Variants in ZNF407 observed in about 807,000 individuals in gnomAD.
ZNF407 encodes zinc finger protein 407.
In ZNF407, 17 loss-of-function variants were observed where a neutral mutation model predicts 131.2. The ratio of observed to expected loss-of-function variants is 0.13; its 90% CI spans 0.09 to 0.19. The LOEUF is 0.19. Ranked by LOEUF, ZNF407 falls within the 10% of genes least tolerant of loss-of-function variation. The pLI, the probability that ZNF407 is intolerant of heterozygous loss-of-function variation, is 1.00. For missense variants in ZNF407, 2,681 were observed against 2,830.6 expected (o/e 0.95, Z 1.20); for synonymous variants, 1,156 against 1,062.0 (o/e 1.09, Z -1.72).
At chr18:74,734,600 A>G (rs1459935483) in intron 3 of ZNF407, among the ~76,000 whole-genome samples, 4 of 151,544 alleles carry the variant, frequency 2.6e-5, no homozygotes, top group Non-Finnish European at 5.9e-5. Context: ...GAAATAACTG[A>G]CTGTCCTCAC....
chr18:74,759,948 GTCTC>G (rs10662564), intron 3 of ZNF407, among the ~76,000 whole-genome samples: 1,654 of 142,578 alleles, frequency 0.012, 27 homozygotes, highest in South Asian at 0.035. Context: ...TACTTTACAT[GTCTC>G]TCTCTCTCTC....
At chr18:74,658,045 T>C (rs1311419302) in intron 3 of ZNF407, among the ~76,000 whole-genome samples, 2 of 151,952 alleles carry the variant, frequency 1.3e-5, no homozygotes, top group South Asian at 2.1e-4. Flanking sequence ...ACTGAAAATA[T>C]TATTGCTATC....
chr18:74,626,357 A>C (rs4606815), intron 1 of ZNF407, among the ~76,000 whole-genome samples: 16 of 152,206 alleles, frequency 1.1e-4, no homozygotes, highest in African/African-American at 3.4e-4. Flanking sequence ...AGTATCAATC[A>C]TTGATATTTA....
At position 74,736,417 on chromosome 18, in the gene ZNF407, C is replaced by T. The variant is rs544254421; in HGVS notation, c.4803-45011C>T. ...TTTTAGTGGTTGTTTAAATAAAATA[C>T]AGGTTAACTCATTGGAGCTTAAATT... On this transcript the variant is annotated intron_variant, in intron 3 of 8. Coordinates refer to ENST00000299687, the MANE Select transcript of ZNF407 (RefSeq NM_017757.3). Among the ~76,000 whole-genome samples the T allele has an allele frequency of 2.0e-5, 3 of 152,252 alleles. No homozygotes were observed. In the South Asian group the frequency reaches 6.2e-4, roughly 32 times the overall value.
intron 3 of ZNF407, among the ~76,000 whole-genome samples, chr18:74,706,787 A>C (rs1332028642): frequency 6.6e-6 from 1 of 152,052 alleles, no homozygotes; most frequent in Non-Finnish European, 1.5e-5. Context: ...GGCAGGTGAG[A>C]GCTCACCTTG....
chr18:74,912,073 A>C (rs1599237364), intron 7 of ZNF407, among the ~76,000 whole-genome samples: 1 of 152,228 alleles, frequency 6.6e-6, no homozygotes, highest in Middle Eastern at 3.4e-3. Context: ...CTTCCTGGGG[A>C]AAATGGGAAT....
Position 75,063,560 on chromosome 18 carries a change from T to C in ZNF407, c.5839T>C (p.Ser1947Pro). 6.4e-7 allele frequency: 1 copy of C among 1,565,936 alleles called. No homozygotes were observed. ...CACCCAGGTGGTCGTCGTGGGGGGC[T>C]CCATGGAAGGCCACGGCATGGATGA... ...GATQVVVVGG[S>P]MEGHGMDESL... Residue 1947 changes from serine (S) to proline (P), a missense_variant, in exon 9 of 9, where the codon TCC becomes CCC. Physicochemically the swap from Ser to Pro is moderately conservative, Grantham distance 74. Coordinates refer to ENST00000299687, the MANE Select transcript of ZNF407 (RefSeq NM_017757.3). The surrounding 1 kb of genome is among the most constrained non-coding windows in gnomAD (Gnocchi z 6.6).
At chr18:74,989,024 T>G (rs1046980572) in intron 8 of ZNF407, among the ~76,000 whole-genome samples, 1 of 152,196 alleles carries the variant, frequency 6.6e-6, no homozygotes, top group Non-Finnish European at 1.5e-5. Context: ...ACCTTATCCA[T>G]GAATGCTCAT....
chr18:74,929,233 G>A (rs946975365), intron 8 of ZNF407, among the ~76,000 whole-genome samples: 4 of 151,984 alleles, frequency 2.6e-5, no homozygotes, highest in African/African-American at 7.3e-5. Context: ...TGTATGATTC[G>A]AGCCGCGCCA....
intron 1 of ZNF407, among the ~76,000 whole-genome samples, chr18:74,610,395 C>G (rs966845694): frequency 1.3e-5 from 2 of 152,142 alleles, no homozygotes; most frequent in African/African-American, 4.8e-5. Flanking sequence ...CTCTCCCTCT[C>G]GGTCTCTCTT....
chr18:74,685,591 CT>C (rs1180954718), intron 3 of ZNF407, among the ~76,000 whole-genome samples: 1 of 152,214 alleles, frequency 6.6e-6, no homozygotes, highest in East Asian at 1.9e-4. Context: ...CCTGATGCCC[CT>C]GACTATTCCG....
chr18:74,632,571 G>T lies in ZNF407; in HGVS notation c.1552G>T (p.Val518Leu). ...PPDSGLHSLT[V>L]KPASGSQTLC... ...GGACTCCGGGCTGCATTCCCTGACA[G>T]TGAAGCCAGCTTCTGGCTCTCAGAC... The change falls in exon 2 of 9, where the codon GTG becomes TTG. Residue 518 changes from valine (V) to leucine (L), a missense_variant. Val to Leu is a conservative substitution (Grantham distance 32, BLOSUM62 1). Around this residue, in one of 6 missense-constraint regions of ZNF407, gnomAD observed 1,789 missense variants for 1,748.7 expected, o/e 1.02. Transcript: ENST00000299687. 3 of 1,614,052 alleles carry T rather than the reference G, an allele frequency of 1.9e-6. No homozygotes were observed. The highest frequency in any genetic ancestry group is 2.5e-6 in the Non-Finnish European group (3 of 1,179,910).
At chr18:74,917,692 C>T (rs941136308) in intron 7 of ZNF407, among the ~76,000 whole-genome samples, 3 of 152,194 alleles carry the variant, frequency 2.0e-5, no homozygotes, top group Admixed American at 6.5e-5. Context: ...TCTCTTTCTT[C>T]CCTTCCCTGA....
chr18:74,611,549 A>G (rs2144620086), intron 1 of ZNF407, among the ~76,000 whole-genome samples: 1 of 152,368 alleles, frequency 6.6e-6, no homozygotes, highest in East Asian at 1.9e-4. Flanking sequence ...AAAATGATGT[A>G]TAGTTTCTTA....
At chr18:74,752,162 A>G (rs1446856712) in intron 3 of ZNF407, among the ~76,000 whole-genome samples, 6 of 152,062 alleles carry the variant, frequency 3.9e-5, no homozygotes. Context: ...TTGGCTGCAT[A>G]AATGTCTTTT....
intron 3 of ZNF407, among the ~76,000 whole-genome samples, chr18:74,642,022 G>GT (rs11400647): frequency 0.99 from 148,367 of 149,662 alleles, 73,538 homozygotes; most frequent in East Asian, 1. Context: ...ATTATATTAG[G>GT]TTTTTTTTTT....
chr18:74,754,957 C>G (rs542748575), intron 3 of ZNF407, among the ~76,000 whole-genome samples: 1 of 152,152 alleles, frequency 6.6e-6, no homozygotes, highest in African/African-American at 2.4e-5. Flanking sequence ...GTGTTAAAGT[C>G]TCCCATTATT....
chr18:74,817,741 C>T (rs1970286908), intron 4 of ZNF407, among the ~76,000 whole-genome samples: 1 of 152,082 alleles, frequency 6.6e-6, no homozygotes, highest in African/African-American at 2.4e-5. Context: ...TTGATCTTAA[C>T]CACAAGGCTG....
Position 74,982,523 on chromosome 18 carries a change from T to C in ZNF407, c.5428+61831T>C, listed in dbSNP as rs576439655. Among the ~76,000 whole-genome samples, 9 of 152,344 alleles carry C rather than the reference T, an allele frequency of 5.9e-5. No homozygotes were observed. The East Asian group carries it at 1.7e-3, about 29-fold the overall frequency. On this transcript the variant is annotated intron_variant, in intron 8 of 8. Transcript: ENST00000299687. The stretch of plus-strand genomic sequence containing the variant: ...GTTGCATTCAGTTCACCACAATCAT[T>C]GGAAACTTACAAAGCTCAGACTTTA...
Sources: allele counts gnomAD v4.1 joint callset (sites outside exome capture counted in the v4.1 genomes callset), GRCh38; gene constraint gnomAD v4.1.1; regional missense constraint gnomAD v4.1.1; non-coding constraint Gnocchi (gnomAD v3.1); transcripts MANE v1.5; gene names NCBI Gene and HGNC (gene_info 2026-07-23, HGNC 2026-07-21).